Variants in SNX29 observed in about 807,000 individuals in gnomAD.
SNX29 encodes sorting nexin 29, also known as sorting nexin-29.
In SNX29, 78 loss-of-function variants were observed where a neutral mutation model predicts 102.1. The observed-to-expected ratio is 0.76, with a 90% CI of 0.64 to 0.92. The LOEUF (loss-of-function observed/expected upper bound fraction) is 0.92. Among genes scored for constraint, SNX29 ranks in the 40% least tolerant of loss-of-function variants. The pLI is 0.00. For synonymous variants in SNX29, 580 were observed against 414.5 expected, an observed-to-expected ratio of 1.40 and a Z score of -4.85; for missense variants, 1,280 against 1,061.7, an observed-to-expected ratio of 1.21 and a Z score of -2.86.
chr16:12,116,119 C>G (rs918186183), intron 11 of SNX29, among the ~76,000 whole-genome samples: 16 of 152,196 alleles, frequency 1.1e-4, no homozygotes, highest in Non-Finnish European at 1.9e-4. Flanking sequence ...GAAAAACTCT[C>G]TCTCCTAATT....
intron 13 of SNX29, among the ~76,000 whole-genome samples, chr16:12,179,551 T>G (rs1218622917): frequency 6.6e-6 from 1 of 152,262 alleles, no homozygotes; most frequent in Non-Finnish European, 1.5e-5. Flanking sequence ...ATTTTAAATC[T>G]ACTTTACCTG....
chr16:12,569,328 A>C lies in SNX29; in HGVS notation c.*699A>C, dbSNP rs1306857945. 1.3e-5 allele frequency: 3 copies of C among 229,706 alleles called. No individual in the cohort carries two copies. The highest frequency in any genetic ancestry group is 2.6e-5 in the Non-Finnish European group (3 of 115,916). The allele number at this position is 229,706 out of a possible 1,614,324, so 14.2% of individuals were successfully genotyped here. A position where few individuals can be genotyped will look rare whatever the true frequency, so the allele number is the denominator to read the frequency against. ...TTCAGGAAGGACCAGTGCCCTCCAT[A>C]GCCTGAGGCCACCTAGGCCCTCGCC... On this transcript the variant is annotated 3_prime_UTR_variant, in exon 21 of 21. Coordinates refer to ENST00000566228, the MANE Select transcript of SNX29 (RefSeq NM_032167.5).
chr16:12,464,109 G>T (rs2086942238), intron 18 of SNX29, among the ~76,000 whole-genome samples: 1 of 151,906 alleles, frequency 6.6e-6, no homozygotes, highest in Non-Finnish European at 1.5e-5. Flanking sequence ...AGTGAAGTCA[G>T]GCAATATTTG....
rs1323004720 is a variant in SNX29 at position 12,573,315 on chromosome 16, G to A, written c.*4686G>A. On this transcript the variant is annotated 3_prime_UTR_variant, in exon 21 of 21. Transcript: ENST00000566228. ...ATTGCCATCTTATGGGCCCGATTTG[G>A]GTACTCTGAATTATGTCATGGAGTA... 1 of 226,264 alleles carries A rather than the reference G, an allele frequency of 4.4e-6. No individual in the cohort carries two copies. The highest frequency in any genetic ancestry group is 8.8e-6 in the Non-Finnish European group (1 of 113,862). 14.0% of individuals were successfully genotyped at this position (226,264 alleles called of 1,614,324 possible). A position where few individuals can be genotyped will look rare whatever the true frequency, so the allele number is the denominator to read the frequency against.
chr16:12,483,123 T>TTTTTTTTG (rs1567610246), intron 19 of SNX29, among the ~76,000 whole-genome samples: 5 of 109,264 alleles, frequency 4.6e-5, no homozygotes, highest in Non-Finnish European at 9.0e-5. Context: ...AGTTTTTTTT[T>TTTTTTTTG]TTTTTTTTTT....
At chr16:12,505,943 G>T (rs1012712812) in intron 19 of SNX29, among the ~76,000 whole-genome samples, 2 of 151,902 alleles carry the variant, frequency 1.3e-5, no homozygotes, top group African/African-American at 4.8e-5. Context: ...TTTTTCTATA[G>T]AGTACAGGTT....
At chr16:12,454,586 C>T (rs1017716819) in intron 18 of SNX29, among the ~76,000 whole-genome samples, 6 of 152,024 alleles carry the variant, frequency 3.9e-5, no homozygotes, top group Admixed American at 2.0e-4. Flanking sequence ...GAGCGAACAT[C>T]GAAAATAACC....
chr16:12,561,655 GGCCCTCTGAGGGT>G (rs1431958763), intron 20 of SNX29, among the ~76,000 whole-genome samples: 5 of 152,132 alleles, frequency 3.3e-5, no homozygotes, highest in Non-Finnish European at 7.3e-5. Flanking sequence ...CCACTCCTGG[GGCCCTCTGAGGGT>G]GCCCTCACAC....
chr16:12,239,193 T>A (rs984981027), intron 14 of SNX29, among the ~76,000 whole-genome samples: 7 of 152,218 alleles, frequency 4.6e-5, no homozygotes, highest in Non-Finnish European at 8.8e-5. Flanking sequence ...CCAGGCAATC[T>A]GTCCTGGTTG....
At position 12,063,366 on chromosome 16, in the gene SNX29, CTTTTTTTTTT is replaced by C. The variant is rs369015533; in HGVS notation, c.1243+1737_1243+1746del. 1.1e-4 allele frequency among the ~76,000 whole-genome samples: 6 copies of C among 55,338 alleles called. No individual in the cohort carries two copies. In the East Asian group the frequency reaches 2.5e-3, roughly 23 times the overall value. The allele number at this position is 55,338 out of a possible 152,430, so 36.3% of individuals were successfully genotyped here. The stretch of plus-strand genomic sequence containing the variant: ...CCCACCTCTTCTTTTCCTAGTCCAT[CTTTTTTTTTT>C]TTTTTTTTTTTTTTTTGAGGTGGAG... On this transcript the variant is annotated intron_variant, in intron 9 of 20. Coordinates refer to ENST00000566228, the MANE Select transcript of SNX29 (RefSeq NM_032167.5).
chr16:12,006,826 C>T (rs987842099), intron 3 of SNX29, among the ~76,000 whole-genome samples: 4 of 152,066 alleles, frequency 2.6e-5, no homozygotes, highest in African/African-American at 7.2e-5. Context: ...ACTATGTTGC[C>T]CAGGCTGGTC....
chr16:12,310,309 C>A (rs938999131), intron 15 of SNX29, among the ~76,000 whole-genome samples: 1 of 152,212 alleles, frequency 6.6e-6, no homozygotes, highest in South Asian at 2.1e-4. Flanking sequence ...GGTTCTCATT[C>A]CCCTCCTAGG....
At chr16:12,343,481 C>T (rs542353331) in intron 15 of SNX29, among the ~76,000 whole-genome samples, 16 of 152,282 alleles carry the variant, frequency 1.1e-4, no homozygotes, top group South Asian at 8.3e-4. Flanking sequence ...ACTTTATAGC[C>T]GAGGAAATGG....
At chr16:12,058,153 A>T (rs1765060451) in intron 8 of SNX29, among the ~76,000 whole-genome samples, 2 of 152,116 alleles carry the variant, frequency 1.3e-5, no homozygotes, top group South Asian at 4.1e-4. Flanking sequence ...AAAACAAGAT[A>T]AAAAACTCAA....
chr16:12,557,018 C>CCCG, intron 20 of SNX29, among the ~76,000 whole-genome samples: 1 of 33,836 alleles, frequency 3.0e-5, no homozygotes, highest in Non-Finnish European at 8.0e-5. Flanking sequence ...CTAATTTACC[C>CCCG]CCCCCCCGCC....
At chr16:12,054,646 C>A (rs935046635) in intron 8 of SNX29, among the ~76,000 whole-genome samples, 1 of 152,218 alleles carries the variant, frequency 6.6e-6, no homozygotes, top group African/African-American at 2.4e-5. Flanking sequence ...CTTCACCACA[C>A]CCCCAGCTTT....
chr16:12,170,265 G>A (rs73521811), intron 13 of SNX29, among the ~76,000 whole-genome samples: 2,990 of 151,990 alleles, frequency 0.02, 99 homozygotes, highest in African/African-American at 0.068. Context: ...GAGTGGCAGC[G>A]CATGTGATGG....
intron 14 of SNX29, among the ~76,000 whole-genome samples, chr16:12,242,315 C>CT (rs1349099888): frequency 2.0e-5 from 3 of 146,892 alleles, no homozygotes; most frequent in Non-Finnish European, 4.5e-5. Flanking sequence ...TTTATAGTGG[C>CT]ATTAGATTCT....
Position 12,353,506 on chromosome 16 carries a change from C to T in SNX29, c.1783-2657C>T, listed in dbSNP as rs77590137. Among the ~76,000 whole-genome samples the T allele has an allele frequency of 5.9e-3, 821 of 140,330 alleles. 5 individuals are homozygous for T. The highest frequency in any genetic ancestry group is 8.4e-3 in the Non-Finnish European group (572 of 67,936). The allele number at this position is 140,330 out of a possible 152,430, so 92.1% of individuals were successfully genotyped here. On this transcript the variant is annotated intron_variant, in intron 15 of 20. Transcript: ENST00000566228. ...TTTCATAGACGCACAGCCACAGGCT[C>T]ATACCAGAACACACACACTGTCAGT...
Sources: allele counts gnomAD v4.1 joint callset (sites outside exome capture counted in the v4.1 genomes callset), GRCh38; gene constraint gnomAD v4.1.1; transcripts MANE v1.5; gene names NCBI Gene and HGNC (gene_info 2026-07-23, HGNC 2026-07-21).